TYK2: variants seen among roughly 807,000 people sequenced by gnomAD.
The protein encoded by TYK2 is tyrosine kinase 2.
Under a neutral mutation model 130.9 loss-of-function variants are expected in TYK2, and 65 were observed. That is an observed-to-expected ratio of 0.50 (90% CI 0.41 to 0.61). TYK2 has a LOEUF of 0.61. Ranked by LOEUF, TYK2 falls within the 20% of genes least tolerant of loss-of-function variation. The probability of loss-of-function intolerance (pLI) is 0.00; values close to 1 mark genes in which losing one functional copy is unlikely to be tolerated. For synonymous variants in TYK2, 647 were observed against 658.9 expected, an observed-to-expected ratio of 0.98 and a Z score of 0.28; for missense variants, 1,378 against 1,610.7, an observed-to-expected ratio of 0.86 and a Z score of 2.47.
At chr19:10,352,363 C>A in intron 23 of TYK2, 71 bp downstream of exon 23, 1 of 1,064,244 alleles carries the variant, frequency 9.4e-7, no homozygotes, top group Non-Finnish European at 1.5e-6. Context: ...TGAGCCACCG[C>A]GCCTGGCCCA....
At chr19:10,357,621 G>A in intron 17 of TYK2, 143 bp downstream of exon 17, 1 of 1,168,490 alleles carries the variant, frequency 8.6e-7, no homozygotes, top group Non-Finnish European at 1.2e-6. Flanking sequence ...TTGAGCCCCA[G>A]CGAGTGGCCC....
At position 10,358,237 on chromosome 19, in the gene TYK2, C is replaced by T. The variant is rs1273737581; in HGVS notation, c.2176-99G>A. ...GGGACAGCCAATGTGAAAAGGACAA[C>T]TGTGACTATCACTGGGTTTCTTTCT... On this transcript the variant is annotated intron_variant, in intron 15 of 24. Transcript: ENST00000525621. The T allele has an allele frequency of 7.9e-5, 93 of 1,178,754 alleles. No individual in the cohort carries two copies. In the South Asian group the frequency reaches 1.3e-3, roughly 17 times the overall value. 73.0% of individuals were successfully genotyped at this position (1,178,754 alleles called of 1,614,324 possible).
chr19:10,372,680 G>A (rs966617087), intron 3 of TYK2, among the ~76,000 whole-genome samples: 6 of 149,728 alleles, frequency 4.0e-5, no homozygotes, highest in Admixed American at 1.3e-4. Flanking sequence ...TAGTAGAGAC[G>A]GGGTTTCGCG....
Position 10,361,347 on chromosome 19 carries a change from T to A in TYK2, c.2047+164A>T. 1 of 708,922 alleles carries A rather than the reference T, an allele frequency of 1.4e-6. No homozygotes were observed. Among genetic ancestry groups the A allele is most frequent in the Non-Finnish European group, 2.5e-6 (1 of 407,054 alleles). 43.9% of individuals were successfully genotyped at this position (708,922 alleles called of 1,614,324 possible). ...GCTGGAATATCGTTAGGGGTTGGGG[T>A]CTAGGTTGAAGGTCAAGGTGTAGCC... On this transcript the variant is annotated intron_variant, in intron 14 of 24. Transcript: ENST00000525621. This position sits in a 1 kb window ranked among gnomAD's most constrained non-coding sequence, Gnocchi z 4.0.
rs1220624861 is a variant in TYK2, at chr19:10,351,045, G to A, written c.3429+7C>T. ...GTGGGGTCAGGGAAAGACAAAGGAA[G>A]TCTCACCTCACAGGGACATTTGTCG... On this transcript the variant is annotated splice_region_variant and intron_variant, in intron 24 of 24. Transcript: ENST00000525621. The A allele has an allele frequency of 2.5e-6, 4 of 1,614,122 alleles. No homozygotes were observed. Among genetic ancestry groups the A allele is most frequent in the Admixed American group, 1.7e-5 (1 of 60,000 alleles).
chr19:10,365,472 C>G (rs1471686340), intron 7 of TYK2, 45 bp downstream of exon 7: 1 of 1,609,932 alleles, frequency 6.2e-7, no homozygotes, highest in African/African-American at 1.3e-5. Flanking sequence ...GAAACCCACC[C>G]CAGCCCAACC....
In TYK2 at chr19:10,351,069, C is replaced by T. The variant is rs375731934; in HGVS notation, c.3412G>A (p.Asp1138Asn). 7 of 1,614,014 alleles carry T rather than the reference C, an allele frequency of 4.3e-6. No individual in the cohort carries two copies. Among genetic ancestry groups the T allele is most frequent in the African/African-American group, 2.7e-5 (2 of 74,934 alleles). ...AGTCTCACCTCACAGGGACATTTGT[C>T]GGGCCGTGGCAGCCTCTCCCCTCGT... ...LERGERLPRP[D>N]KCPCEVYHLM... The change falls in exon 24 of 25, where the codon GAC becomes AAC. Residue 1138 changes from aspartate (D) to asparagine (N), a missense_variant. By Grantham distance (23) the Asp-to-Asn change is conservative. Coordinates refer to ENST00000525621, the MANE Select transcript of TYK2 (RefSeq NM_003331.5).
At chr19:10,378,022 A>ATGGG (rs2042230831) in intron 3 of TYK2, among the ~76,000 whole-genome samples, 192 bp downstream of exon 3, 2 of 89,094 alleles carry the variant, frequency 2.2e-5, no homozygotes, top group South Asian at 8.9e-4. Flanking sequence ...GGGTGGATGG[A>ATGGG]TGGGTGGGTG....
chr19:10,378,313 GA>G lies in TYK2; in HGVS notation c.93del (p.Leu32CysfsTer20). 6.2e-7 allele frequency: 1 copy of G among 1,612,862 alleles called. No individual in the cohort carries two copies. The highest frequency in any genetic ancestry group is 8.5e-7 in the Non-Finnish European group (1 of 1,179,976). ...PMAAMGGLKV[L>X]LHWAGPGGGE... ...CCGCCGCCTGGACCAGCCCAGTGCAGAAGCACCTTCAGGCCTCCCATGGCAG... is the reference window on the plus strand; with the variant it reads ...CCGCCGCCTGGACCAGCCCAGTGCAGAGCACCTTCAGGCCTCCCATGGCAG... On this transcript the variant is annotated frameshift_variant, in exon 3 of 25. Transcript: ENST00000525621. LOFTEE classifies it high-confidence loss of function.
chr19:10,351,447 A>G (rs1192664519), intron 23 of TYK2: 7 of 379,670 alleles, frequency 1.8e-5, no homozygotes, highest in Non-Finnish European at 3.6e-5. Flanking sequence ...AGATTGTGCC[A>G]TTGCACTCCA....
At chr19:10,375,452 T>C (rs948223105) in intron 3 of TYK2, among the ~76,000 whole-genome samples, 3 of 151,466 alleles carry the variant, frequency 2.0e-5, no homozygotes, top group African/African-American at 7.3e-5. Flanking sequence ...ACTCCAGCTC[T>C]ACTAAAAATA....
At chr19:10,351,216 G>A in intron 23 of TYK2, 54 bp from the exon 24 acceptor site, 1 of 1,439,800 alleles carries the variant, frequency 6.9e-7, no homozygotes, top group East Asian at 2.3e-5. Flanking sequence ...GGCAGGCACG[G>A]TGGCTCATGC....
chr19:10,360,863 C>A (rs1489903474), intron 14 of TYK2: 1 of 221,166 alleles, frequency 4.5e-6, no homozygotes, highest in African/African-American at 2.3e-5. Context: ...AGTGATCCTT[C>A]CATTCCAGCC....
rs138652649 is a variant in TYK2, at chr19:10,358,064, G to A, written c.2250C>T (p.Gly750=). ...CACTCAGCTTGATGAAGGGGCTGGT[G>A]CCCTCTGCCAACCCCAGCCGGGCCA... is the stretch of plus-strand genomic sequence containing the variant. ...ILLARLGLAE[G]TSPFIKLSDP... is the part of the protein sequence containing the mutation. The change falls in exon 16 of 25, where the codon GGC becomes GGT. Residue 750 remains glycine (G), a synonymous_variant. Transcript: ENST00000525621. The A allele has an allele frequency of 8.2e-4, 1,327 of 1,613,144 alleles. 2 individuals are homozygous for A. Among genetic ancestry groups the A allele is most frequent in the Middle Eastern group, 5.3e-3 (32 of 6,052 alleles).
At chr19:10,371,124 C>T (rs1211751481) in intron 3 of TYK2, among the ~76,000 whole-genome samples, 1 of 151,808 alleles carries the variant, frequency 6.6e-6, no homozygotes, top group Admixed American at 6.6e-5. Context: ...CGCCACCATG[C>T]CCAGCTGATT....
At chr19:10,376,230 C>G (rs2042117543) in intron 3 of TYK2, among the ~76,000 whole-genome samples, 1 of 122,786 alleles carries the variant, frequency 8.1e-6, no homozygotes, top group African/African-American at 3.1e-5. Flanking sequence ...CCAGGCTGGT[C>G]TTGAACTCCT....
rs755109900 is a variant in TYK2, at chr19:10,362,247, T to TC, written c.1669+16dup. ...AGAGATGCCACATCCCACCCAGAGGTCCCCCTATCATCGTACCTCCTGGTT... is the reference window on the plus strand; with the variant it reads ...AGAGATGCCACATCCCACCCAGAGGTCCCCCCTATCATCGTACCTCCTGGTT... On this transcript the variant is annotated intron_variant, in intron 11 of 24. Transcript: ENST00000525621. The TC allele has an allele frequency of 1.9e-4, 310 of 1,613,102 alleles. 5 individuals are homozygous for TC. In the South Asian group the frequency reaches 3.2e-3, roughly 17 times the overall value.
rs749206339 is a variant in TYK2 at position 10,368,295 on chromosome 19, C to G, written c.317G>C (p.Arg106Thr). 6.2e-7 allele frequency: 1 copy of G among 1,614,180 alleles called. No homozygotes were observed. Among genetic ancestry groups the G allele is most frequent in the Admixed American group, 1.7e-5 (1 of 60,000 alleles). ...DASLMLYFRI[R>T]FYFRNWHGMN... is the part of the protein sequence containing the mutation. ...GAGCTTTGCAAAGGTCTCCACCCAC[C>G]TTATGCGGAAATATAGCATCAGGCT... Residue 106 changes from arginine (R) to threonine (T), a missense_variant and splice_region_variant, in exon 4 of 25, where the codon AGG becomes ACG. Coordinates refer to ENST00000525621, the MANE Select transcript of TYK2 (RefSeq NM_003331.5).
intron 2 of TYK2, among the ~76,000 whole-genome samples, chr19:10,378,824 T>C (rs956100358): frequency 1.7e-4 from 25 of 144,782 alleles, no homozygotes; most frequent in Admixed American, 5.7e-4. Context: ...CTACAAGACG[T>C]TTTATTTTAT....
Sources: allele counts gnomAD v4.1 joint callset (sites outside exome capture counted in the v4.1 genomes callset), GRCh38; gene constraint gnomAD v4.1.1; non-coding constraint Gnocchi (gnomAD v3.1); transcripts MANE v1.5; gene names NCBI Gene and HGNC (gene_info 2026-07-23, HGNC 2026-07-21).